SHTN1: variants seen among roughly 807,000 people sequenced by gnomAD.
The protein encoded by SHTN1 is shootin 1, also known as shootin-1.
Under a neutral mutation model 83.1 loss-of-function variants are expected in SHTN1, and 42 were observed. The observed-to-expected ratio is 0.51, with a 90% CI of 0.39 to 0.65. The LOEUF (loss-of-function observed/expected upper bound fraction) is 0.65. SHTN1 is among the 30% of genes least tolerant of loss of function. SHTN1 has a pLI of 0.00. For synonymous variants in SHTN1, 224 were observed against 247.7 expected (o/e 0.90, Z 0.90); for missense variants, 622 against 737.8 (o/e 0.84, Z 1.82).
At chr10:117,039,726 A>C (rs536115505) in intron 2 of SHTN1, among the ~76,000 whole-genome samples, 4 of 151,634 alleles carry the variant, frequency 2.6e-5, no homozygotes. Context: ...GGTGGTGGGC[A>C]CCTGTAGTCC....
chr10:117,036,298 GA>G (rs1172877436), intron 2 of SHTN1, among the ~76,000 whole-genome samples: 3 of 151,816 alleles, frequency 2.0e-5, no homozygotes, highest in Admixed American at 6.6e-5. Context: ...ATACCCAAAA[GA>G]AAAAAAATCA....
rs562665078 is a variant in SHTN1, at chr10:117,067,456, G to A, written c.-188-18946C>T. 1.3e-3 allele frequency among the ~76,000 whole-genome samples: 196 copies of A among 152,142 alleles called. 1 individual carries two copies. The highest frequency in any genetic ancestry group is 2.2e-3 in the Non-Finnish European group (152 of 68,014). ...AAAGAAATACAAAAATTAGCCAGAC[G>A]TGGTGGCAGGTGCCTGTAGTTCCAG... is the stretch of plus-strand genomic sequence containing the variant. On this transcript the variant is annotated intron_variant, in intron 1 of 17. Coordinates refer to the SHTN1 transcript ENST00000392901.
At chr10:117,035,053 G>A (rs1040326259) in intron 2 of SHTN1, among the ~76,000 whole-genome samples, 8 of 152,162 alleles carry the variant, frequency 5.3e-5, no homozygotes, top group Non-Finnish European at 8.8e-5. Context: ...AAAACTGGAG[G>A]AATCACATTA....
intron 1 of SHTN1, among the ~76,000 whole-genome samples, chr10:117,124,633 C>T (rs2133650689): frequency 6.6e-6 from 1 of 152,136 alleles, no homozygotes; most frequent in South Asian, 2.1e-4. Flanking sequence ...ATTAGCCGAG[C>T]GTGGTGGTGG....
rs1484486982 is a variant in SHTN1, at chr10:116,884,726, A to G, written c.*1618T>C. ...TACTAAAGTTGTCAAATCATATACAATTTTCTATTAAAGAATGTCAAGCTT... is the reference window on the plus strand; with the variant it reads ...TACTAAAGTTGTCAAATCATATACAGTTTTCTATTAAAGAATGTCAAGCTT... On this transcript the variant is annotated 3_prime_UTR_variant, in exon 17 of 17. Transcript: ENST00000355371. The G allele has an allele frequency of 6.4e-6, 1 of 155,074 alleles. No individual in the cohort carries two copies. Among genetic ancestry groups the G allele is most frequent in the Admixed American group, 6.2e-5 (1 of 16,052 alleles). The allele number at this position is 155,074 out of a possible 1,614,324, so 9.6% of individuals were successfully genotyped here.
chr10:116,933,513 C>T (rs1410249352), intron 9 of SHTN1, among the ~76,000 whole-genome samples: 1 of 152,136 alleles, frequency 6.6e-6, no homozygotes, highest in Non-Finnish European at 1.5e-5. Context: ...TTTTTTATGG[C>T]TGTGTAGTAT....
Position 116,905,154 on chromosome 10 carries a change from A to G in SHTN1, c.1480+1473T>C, listed in dbSNP as rs1312325623. ...GAAGCGGAGCTTGCAGTGAGCCGAG[A>G]TTGCGCCACTGCAGTCCGCAGTCCA... On this transcript the variant is annotated intron_variant, in intron 15 of 16. Coordinates refer to ENST00000355371, the MANE Select transcript of SHTN1 (RefSeq NM_001127211.3). Among the ~76,000 whole-genome samples the G allele has an allele frequency of 3.4e-5, 5 of 146,428 alleles. No individual in the cohort carries two copies. In the Admixed American group the frequency reaches 3.5e-4, roughly 10 times the overall value.
chr10:117,009,124 G>A (rs1354676696), upstream of SHTN1, among the ~76,000 whole-genome samples: 1 of 151,638 alleles, frequency 6.6e-6, no homozygotes, highest in African/African-American at 2.4e-5. Context: ...TCAAAAAAAA[G>A]AAAAGAAAAG....
chr10:117,058,721 C>T (rs961027271), intron 1 of SHTN1, among the ~76,000 whole-genome samples: 1 of 152,140 alleles, frequency 6.6e-6, no homozygotes, highest in Admixed American at 6.5e-5. Flanking sequence ...TTCATGGCAG[C>T]CATAGCCAAA....
intron 13 of SHTN1, among the ~76,000 whole-genome samples, chr10:116,914,837 C>T (rs745760587): frequency 4.6e-5 from 7 of 152,066 alleles, no homozygotes; most frequent in African/African-American, 1.2e-4. Flanking sequence ...TTTTTCTCCT[C>T]GAAGTGACTT....
intron 16 of SHTN1, among the ~76,000 whole-genome samples, chr10:116,890,532 C>A (rs1283875598): frequency 1.3e-5 from 2 of 152,174 alleles, no homozygotes; most frequent in Non-Finnish European, 2.9e-5. Flanking sequence ...ATGATCCATT[C>A]ATATAGATAT....
At chr10:117,111,379 C>T (rs1384251680) in intron 1 of SHTN1, among the ~76,000 whole-genome samples, 2 of 151,540 alleles carry the variant, frequency 1.3e-5, no homozygotes, top group Admixed American at 6.6e-5. Flanking sequence ...CTGTAACCTC[C>T]GCCTCCCAGG....
chr10:116,935,958 G>GT (rs1327785922), intron 9 of SHTN1, among the ~76,000 whole-genome samples: 13 of 152,132 alleles, frequency 8.5e-5, no homozygotes, highest in Non-Finnish European at 1.5e-4. Context: ...TTGTGTACAG[G>GT]TATTTATAGT....
upstream of SHTN1, among the ~76,000 whole-genome samples, chr10:117,006,359 G>C (rs1262499506): frequency 6.6e-6 from 1 of 151,716 alleles, no homozygotes; most frequent in Admixed American, 6.6e-5. Context: ...GAGGTCAGGA[G>C]ATCGAGACCA....
At chr10:116,937,068 A>G (rs532316919) in intron 9 of SHTN1, among the ~76,000 whole-genome samples, 20 of 151,984 alleles carry the variant, frequency 1.3e-4, no homozygotes, top group African/African-American at 4.3e-4. Context: ...TACACGTGAG[A>G]TGGGTCTCCT....
intron 1 of SHTN1, among the ~76,000 whole-genome samples, chr10:117,053,325 A>G (rs1211909202): frequency 1.3e-5 from 2 of 152,062 alleles, no homozygotes; most frequent in African/African-American, 4.8e-5. Context: ...AGTGAAAAGA[A>G]GACTCACAGA....
Position 116,979,316 on chromosome 10 carries a change from A to G in SHTN1, c.59-8T>C. The G allele has an allele frequency of 6.2e-7, 1 of 1,612,242 alleles. No homozygotes were observed. The highest frequency in any genetic ancestry group is 1.1e-5 in the South Asian group (1 of 91,040). On this transcript the variant is annotated splice_region_variant and splice_polypyrimidine_tract_variant and intron_variant, in intron 1 of 16. Coordinates refer to ENST00000355371, the MANE Select transcript of SHTN1 (RefSeq NM_001127211.3). ...CTTCATATTCGCCTATTGCTAAAAGAAAAAAGGAAAGCAACATTACAACAC... is the reference window on the plus strand; with the variant it reads ...CTTCATATTCGCCTATTGCTAAAAGGAAAAAGGAAAGCAACATTACAACAC...
intron 2 of SHTN1, among the ~76,000 whole-genome samples, chr10:117,021,973 A>C (rs1042852709): frequency 6.6e-6 from 1 of 152,192 alleles, no homozygotes; most frequent in Non-Finnish European, 1.5e-5. Context: ...ATTACCCTCC[A>C]TAATGTGGGT....
At chr10:117,051,999 C>CATATATATATAAATATATATATAT in intron 1 of SHTN1, among the ~76,000 whole-genome samples, 1 of 34,116 alleles carries the variant, frequency 2.9e-5, no homozygotes, top group South Asian at 5.9e-4. Context: ...ATGACATAAT[C>CATATATATATAAATATATATATAT]ATATATATAT....
Sources: gnomAD v4.1 joint callset for allele counts (sites outside exome capture counted in the v4.1 genomes callset) on GRCh38, gnomAD v4.1.1 for gene constraint, MANE v1.5 for transcripts, NCBI Gene and HGNC (gene_info 2026-07-23, HGNC 2026-07-21) for gene names.